NAALADL2: variants seen among roughly 807,000 people sequenced by gnomAD.
NAALADL2 encodes the protein inactive N-acetylated-alpha-linked acidic dipeptidase-like protein 2.
In NAALADL2, 76 loss-of-function variants were observed where a neutral mutation model predicts 87.2. That is an observed-to-expected ratio of 0.87 (90% CI 0.72 to 1.05). NAALADL2 has a LOEUF of 1.05. NAALADL2 is among the 50% of genes least tolerant of loss of function. NAALADL2 has a pLI of 0.00. For missense variants in NAALADL2, 1,089 were observed against 945.8 expected (o/e 1.15, Z -1.99); for synonymous variants, 354 against 331.0 (o/e 1.07, Z -0.75).
intron 3 of NAALADL2, among the ~76,000 whole-genome samples, chr3:175,251,297 G>T (rs1405911368): frequency 6.6e-6 from 1 of 151,922 alleles, no homozygotes; most frequent in African/African-American, 2.4e-5. Context: ...CCTTGTTCTT[G>T]GTTATAAAAA....
intron 11 of NAALADL2, among the ~76,000 whole-genome samples, chr3:175,668,552 C>T (rs532888591): frequency 7.4e-4 from 113 of 152,086 alleles, no homozygotes; most frequent in Non-Finnish European, 1.1e-3. Context: ...CACAAGAAAA[C>T]ATTAATGAGA....
intron 3 of NAALADL2, among the ~76,000 whole-genome samples, chr3:174,815,498 C>A (rs1304217308): frequency 1.3e-5 from 2 of 152,176 alleles, no homozygotes; most frequent in African/African-American, 4.8e-5. Flanking sequence ...AATCTTAGCT[C>A]ACTCACTGAA....
At chr3:175,706,411 A>T (rs1158478765) in intron 11 of NAALADL2, among the ~76,000 whole-genome samples, 1 of 152,186 alleles carries the variant, frequency 6.6e-6, no homozygotes, top group East Asian at 1.9e-4. Context: ...CTAATAATTA[A>T]ATAGAGCAAT....
chr3:175,698,413 A>G (rs1188335739), intron 11 of NAALADL2, among the ~76,000 whole-genome samples: 4 of 61,930 alleles, frequency 6.5e-5, no homozygotes, highest in African/African-American at 1.9e-4. Context: ...GTATTTATGT[A>G]TGTATACATA....
At chr3:174,804,575 C>T (rs1318550515) in intron 3 of NAALADL2, among the ~76,000 whole-genome samples, 2 of 152,068 alleles carry the variant, frequency 1.3e-5, no homozygotes, top group Non-Finnish European at 2.9e-5. Context: ...CCAGTTTTTG[C>T]CCATTCAGTC....
chr3:175,196,386 C>G (rs1738997354), intron 2 of NAALADL2, among the ~76,000 whole-genome samples: 1 of 151,884 alleles, frequency 6.6e-6, no homozygotes, highest in Non-Finnish European at 1.5e-5. Context: ...ACATTAAAAA[C>G]CTCTTTAGGA....
intron 4 of NAALADL2, among the ~76,000 whole-genome samples, chr3:175,293,618 G>A (rs981521555): frequency 1.3e-5 from 2 of 152,080 alleles, no homozygotes; most frequent in African/African-American, 2.4e-5. Context: ...TCAGTTAGAG[G>A]GTTAAGTCCT....
chr3:174,498,910 C>T (rs952911725), intron 1 of NAALADL2, among the ~76,000 whole-genome samples: 3 of 152,088 alleles, frequency 2.0e-5, no homozygotes, highest in African/African-American at 7.2e-5. Flanking sequence ...CTCACTTTCA[C>T]TTTCCATGGT....
chr3:175,746,094 A>G (rs1745881221), intron 12 of NAALADL2, among the ~76,000 whole-genome samples: 1 of 152,166 alleles, frequency 6.6e-6, no homozygotes, highest in African/African-American at 2.4e-5. Context: ...CACTAAATGT[A>G]AAATAGTTGC....
At chr3:174,517,510 C>A (rs1372949337) in intron 1 of NAALADL2, among the ~76,000 whole-genome samples, 1 of 151,978 alleles carries the variant, frequency 6.6e-6, no homozygotes, top group Non-Finnish European at 1.5e-5. Context: ...CTTTTTTAAT[C>A]ACTTTAAAAA....
intron 3 of NAALADL2, among the ~76,000 whole-genome samples, chr3:174,841,137 A>G (rs1390861135): frequency 6.6e-6 from 1 of 152,138 alleles, no homozygotes; most frequent in Admixed American, 6.5e-5. Context: ...AATGAGACAA[A>G]ATGATAAACT....
intron 4 of NAALADL2, among the ~76,000 whole-genome samples, chr3:175,305,052 G>T (rs1026354910): frequency 6.6e-6 from 1 of 151,648 alleles, no homozygotes; most frequent in Non-Finnish European, 1.5e-5. Context: ...CTGTTGATTT[G>T]CTCTGTGATA....
chr3:175,611,113 A>T (rs1403569697), intron 10 of NAALADL2, among the ~76,000 whole-genome samples: 3 of 152,094 alleles, frequency 2.0e-5, no homozygotes. Context: ...CTACCATGCT[A>T]TCTGTATGGA....
At chr3:175,137,273 T>A (rs552410744) in intron 2 of NAALADL2, among the ~76,000 whole-genome samples, 6 of 152,282 alleles carry the variant, frequency 3.9e-5, no homozygotes, top group African/African-American at 1.4e-4. Context: ...TGCACAAGGA[T>A]GTATAATTTT....
chr3:175,248,733 T>C (rs7619752), intron 3 of NAALADL2, among the ~76,000 whole-genome samples: 121,662 of 152,100 alleles, frequency 0.8, 48,703 homozygotes, highest in East Asian at 0.88. Flanking sequence ...CCCTATGTGT[T>C]CTTATCTGCA....
intron 1 of NAALADL2, among the ~76,000 whole-genome samples, chr3:174,993,326 A>G (rs1467751964): frequency 6.6e-6 from 1 of 152,168 alleles, no homozygotes; most frequent in African/African-American, 2.4e-5. Flanking sequence ...TTCCTTCACC[A>G]TGTTCCCCCT....
chr3:175,441,752 G>A (rs983940352), intron 5 of NAALADL2, among the ~76,000 whole-genome samples: 5 of 151,830 alleles, frequency 3.3e-5, no homozygotes, highest in African/African-American at 9.7e-5. Flanking sequence ...TTCTGAAGTT[G>A]TGTTATTCTT....
chr3:174,858,871 C>T (rs1163386670), upstream of NAALADL2, among the ~76,000 whole-genome samples: 1 of 151,824 alleles, frequency 6.6e-6, no homozygotes, highest in Non-Finnish European at 1.5e-5. Flanking sequence ...TCTTTGCTTA[C>T]AGTCACACAG....
intron 9 of NAALADL2, among the ~76,000 whole-genome samples, chr3:175,558,112 G>A (rs751515765): frequency 1.5e-3 from 230 of 150,148 alleles, no homozygotes; most frequent in Admixed American, 3.4e-3. Flanking sequence ...GGAGAATGGC[G>A]TGAACCCGGG....
Sources: gnomAD v4.1 joint callset for allele counts (sites outside exome capture counted in the v4.1 genomes callset) on GRCh38, gnomAD v4.1.1 for gene constraint, MANE v1.5 for transcripts, NCBI Gene and HGNC (gene_info 2026-07-23, HGNC 2026-07-21) for gene names.